The following PGM2 variants were observed in gnomAD, a reference collection of about 807,000 sequenced individuals.
PGM2 encodes phosphoglucomutase 2.
Under a neutral mutation model 74.6 loss-of-function variants are expected in PGM2, and 57 were observed. The observed-to-expected ratio is 0.76, with a 90% CI of 0.62 to 0.95. The LOEUF (loss-of-function observed/expected upper bound fraction) is 0.95, where lower values mean the gene tolerates loss of function less well. PGM2 is among the 40% of genes least tolerant of loss of function. The pLI is 0.00. For synonymous variants in PGM2, 273 were observed against 260.7 expected, an observed-to-expected ratio of 1.05 and a Z score of -0.46; for missense variants, 706 against 741.9, an observed-to-expected ratio of 0.95 and a Z score of 0.56.
intron 12 of PGM2, among the ~76,000 whole-genome samples, 168 bp from the exon 13 acceptor site, chr4:37,855,440 G>T (rs6531589): frequency 6.6e-6 from 1 of 151,946 alleles, no homozygotes. Context: ...AATTACTATC[G>T]TTTAGTATTT....
At chr4:37,847,903 T>G (rs927553569) in intron 10 of PGM2, among the ~76,000 whole-genome samples, 5 of 152,254 alleles carry the variant, frequency 3.3e-5, no homozygotes, top group African/African-American at 1.2e-4. Flanking sequence ...TTAGATTTAT[T>G]TATATTCATT....
rs11358189 is a variant in PGM2 at position 37,853,359 on chromosome 4, CTTTT to C, written c.1603-2229_1603-2226del. Among the ~76,000 whole-genome samples, 51 of 125,146 alleles carry C rather than the reference CTTTT, an allele frequency of 4.1e-4. 1 individual carries two copies. The highest frequency in any genetic ancestry group is 3.5e-3 in the East Asian group (15 of 4,280). 82.1% of individuals were successfully genotyped at this position (125,146 alleles called of 152,430 possible). On this transcript the variant is annotated intron_variant, in intron 12 of 13. Coordinates refer to ENST00000381967, the MANE Select transcript of PGM2 (RefSeq NM_018290.4). Reference sequence around the variant, plus strand: ...TGCTGTGTTGCCCAGGGTGATATTCCTTTTTTTTTTTTTTTTTTTTTTTAATGTA... The same window carrying C: ...TGCTGTGTTGCCCAGGGTGATATTCCTTTTTTTTTTTTTTTTTTTAATGTA...
Position 37,850,177 on chromosome 4 carries a change from T to C in PGM2, c.1413-7T>C, listed in dbSNP as rs1310953917. The C allele has an allele frequency of 2.0e-6, 3 of 1,491,514 alleles. No homozygotes were observed. In the South Asian group the frequency reaches 3.8e-5, roughly 19 times the overall value. The allele number at this position is 1,491,514 out of a possible 1,614,324, so 92.4% of individuals were successfully genotyped here. Reference sequence around the variant, plus strand: ...CTCATGTGCATGAATTTGTATTTGTTTGATAGGTATGGCTACCATATTACT... The same window carrying C: ...CTCATGTGCATGAATTTGTATTTGTCTGATAGGTATGGCTACCATATTACT... On this transcript the variant is annotated splice_polypyrimidine_tract_variant and splice_region_variant and intron_variant, in intron 11 of 13. Coordinates refer to ENST00000381967, the MANE Select transcript of PGM2 (RefSeq NM_018290.4).
Position 37,839,924 on chromosome 4 carries a change from GT to G in PGM2, c.520del (p.Tyr174IlefsTer27). 6.3e-7 allele frequency: 1 copy of G among 1,592,858 alleles called. No homozygotes were observed. Among genetic ancestry groups the G allele is most frequent in the Non-Finnish European group, 8.6e-7 (1 of 1,160,998 alleles). On this transcript the variant is annotated frameshift_variant, in exon 5 of 14. Transcript: ENST00000381967. LOFTEE classifies it high-confidence loss of function. ...TASHNPKQDNGYKVYWDNGAQ... is the reference protein window; with the variant it reads ...TASHNPKQDNXYKVYWDNGAQ... ...TCTCACAATCCAAAGCAGGATAATG[GT>G]TATAAGGTATTTTCCTTTTTCTACT...
At chr4:37,833,942 A>G (rs1725500146) in intron 2 of PGM2, among the ~76,000 whole-genome samples, 1 of 152,174 alleles carries the variant, frequency 6.6e-6, no homozygotes, top group Non-Finnish European at 1.5e-5. Flanking sequence ...CCTACACTGA[A>G]CTACCTCTCA....
At position 37,847,117 on chromosome 4, in the gene PGM2, G is replaced by T; in HGVS notation, c.1188+6G>T. On this transcript the variant is annotated splice_donor_region_variant and intron_variant, in intron 9 of 13. Coordinates refer to ENST00000381967, the MANE Select transcript of PGM2 (RefSeq NM_018290.4). ...AGGAAGGTTTTCATTTTGAGGTAGGGTGTTTCTGGGACTCACTCATTTTCC... is the reference window on the plus strand; with the variant it reads ...AGGAAGGTTTTCATTTTGAGGTAGGTTGTTTCTGGGACTCACTCATTTTCC... 3 of 1,610,982 alleles carry T rather than the reference G, an allele frequency of 1.9e-6. No individual in the cohort carries two copies. The highest frequency in any genetic ancestry group is 2.5e-6 in the Non-Finnish European group (3 of 1,177,412).
At position 37,856,482 on chromosome 4, in the gene PGM2, AG is replaced by A. The variant is rs1227863157; in HGVS notation, c.1736+746del. Among the ~76,000 whole-genome samples the A allele has an allele frequency of 5.3e-5, 8 of 152,250 alleles. No individual in the cohort carries two copies. The East Asian group carries it at 5.8e-4, about 11-fold the overall frequency. Reference sequence around the variant, plus strand: ...TAGACAGGTCTGTGCTGGGTTCTGGAGGGGGCACAGAGAGCCTCATCAGAGA... The same window carrying A: ...TAGACAGGTCTGTGCTGGGTTCTGGAGGGGCACAGAGAGCCTCATCAGAGA... On this transcript the variant is annotated intron_variant, in intron 13 of 13. Transcript: ENST00000381967.
intron 6 of PGM2, among the ~76,000 whole-genome samples, chr4:37,842,627 A>G (rs1414091698): frequency 6.6e-6 from 1 of 150,498 alleles, no homozygotes; most frequent in East Asian, 1.9e-4. Flanking sequence ...CTTATTATAT[A>G]TCAGATAACT....
chr4:37,839,564 T>G (rs1450326764), intron 4 of PGM2: 11 of 558,922 alleles, frequency 2.0e-5, no homozygotes. Flanking sequence ...CATCGTTGTG[T>G]TTGAAGAATT....
chr4:37,860,990 C>T (rs994882483), intron 13 of PGM2, among the ~76,000 whole-genome samples: 3 of 152,074 alleles, frequency 2.0e-5, no homozygotes, highest in African/African-American at 4.8e-5. Flanking sequence ...CAAACCCACC[C>T]GGAGGCTCCC....
chr4:37,841,771 A>G (rs145599504), intron 6 of PGM2, among the ~76,000 whole-genome samples: 57 of 151,778 alleles, frequency 3.8e-4, no homozygotes, highest in Admixed American at 2.3e-3. Context: ...CTGCTTTTCC[A>G]CTCCAGGTAG....
intron 6 of PGM2, among the ~76,000 whole-genome samples, chr4:37,841,100 A>ATATGTGTGTGTG (rs1202149456): frequency 1.3e-3 from 148 of 115,746 alleles, no homozygotes; most frequent in African/African-American, 5.0e-3. Context: ...ATATATATAT[A>ATATGTGTGTGTG]TGTGTGTGTG....
chr4:37,839,257 T>C (rs576204184), intron 4 of PGM2, among the ~76,000 whole-genome samples: 1 of 151,802 alleles, frequency 6.6e-6, no homozygotes, highest in East Asian at 1.9e-4. Flanking sequence ...TAGCTGAGAT[T>C]ACAGGCGCCC....
At chr4:37,851,497 G>A (rs1190345665) in intron 12 of PGM2, among the ~76,000 whole-genome samples, 10 of 152,192 alleles carry the variant, frequency 6.6e-5, no homozygotes, top group Non-Finnish European at 1.2e-4. Context: ...TTGGGGTTGG[G>A]GGAGGAAAGT....
At chr4:37,835,429 G>A (rs970763517) in intron 3 of PGM2, among the ~76,000 whole-genome samples, 6 of 152,060 alleles carry the variant, frequency 3.9e-5, no homozygotes, top group Non-Finnish European at 7.4e-5. Context: ...AACATCCATC[G>A]ACAATGCATA....
In PGM2 at chr4:37,844,501, C is replaced by T. The variant is rs1725813706; in HGVS notation, c.857C>T (p.Pro286Leu). Residue 286 changes from proline to leucine, a missense_variant, in exon 7 of 14, where the codon CCT becomes CTT. Pro to Leu is a moderately conservative substitution (Grantham distance 98). This residue lies in a region of PGM2 where 15 missense variants were observed against 35.8 expected (regional missense o/e 0.42). Transcript: ENST00000381967. ...GTTCCTGAACAGAAAGATCCGGATC[C>T]TGAGTTTCCAACAGTGAAATACCCG... ...EAVPEQKDPDPEFPTVKYPNP... is the reference protein window; with the variant it reads ...EAVPEQKDPDLEFPTVKYPNP... 2 of 1,613,950 alleles carry T rather than the reference C, an allele frequency of 1.2e-6. No homozygotes were observed. Among genetic ancestry groups the T allele is most frequent in the African/African-American group, 1.3e-5 (1 of 75,024 alleles).
At chr4:37,836,868 T>C (rs1043973021) in intron 3 of PGM2, among the ~76,000 whole-genome samples, 1 of 151,810 alleles carries the variant, frequency 6.6e-6, no homozygotes, top group African/African-American at 2.4e-5. Context: ...TATGGGTGTG[T>C]GTGTGTGTGT....
intron 1 of PGM2, among the ~76,000 whole-genome samples, chr4:37,827,510 C>T (rs576206825): frequency 6.6e-6 from 1 of 152,092 alleles, no homozygotes; most frequent in Admixed American, 6.5e-5. Context: ...TAGGTTTTCT[C>T]GGAATGTCCC....
In PGM2 at chr4:37,850,372, C is replaced by T. The variant is rs1726006604; in HGVS notation, c.1601C>T (p.Ala534Val). The T allele has an allele frequency of 2.7e-6, 4 of 1,505,418 alleles. No individual in the cohort carries two copies. The South Asian group carries it at 4.0e-5, about 15-fold the overall frequency. 93.3% of individuals were successfully genotyped at this position (1,505,418 alleles called of 1,614,324 possible). Reference protein sequence around the residue: ...GYDDSQPDKKAVLPTSKSSQM... With the variant: ...GYDDSQPDKKVVLPTSKSSQM... ...GATGATAGCCAACCTGATAAAAAAG[C>T]TGTAAGTAATGTCTTCTCTTTTCAA... Residue 534 changes from alanine (A) to valine (V), a missense_variant and splice_region_variant, in exon 12 of 14, where the codon GCT becomes GTT. By Grantham distance (64) the Ala-to-Val change is moderately conservative. This residue lies in a region of PGM2 where 359 missense variants were observed against 371.1 expected (regional missense o/e 0.97). Coordinates refer to ENST00000381967, the MANE Select transcript of PGM2 (RefSeq NM_018290.4).
Sources: allele counts gnomAD v4.1 joint callset (sites outside exome capture counted in the v4.1 genomes callset), GRCh38; gene constraint gnomAD v4.1.1; regional missense constraint gnomAD v4.1.1; transcripts MANE v1.5; gene names NCBI Gene and HGNC (gene_info 2026-07-23, HGNC 2026-07-21).